The following NRCAM variants were observed in gnomAD, a reference collection of about 807,000 sequenced individuals.
NRCAM encodes NgCAM-related cell adhesion molecule.
NRCAM carries 83 observed loss-of-function variants against 156.5 expected under a neutral mutation model. That is an observed-to-expected ratio of 0.53 (90% confidence interval 0.44 to 0.64). The LOEUF is 0.64. Among genes scored for constraint, NRCAM ranks in the 30% least tolerant of loss-of-function variants. The pLI is 0.00. For synonymous variants in NRCAM, 538 were observed against 563.9 expected (o/e 0.95, Z 0.65); for missense variants, 1,417 against 1,597.3 (o/e 0.89, Z 1.92).
intron 2 of NRCAM, among the ~76,000 whole-genome samples, chr7:108,361,510 CCTGT>C (rs1394096217): frequency 2.0e-5 from 3 of 152,178 alleles, no homozygotes; most frequent in African/African-American, 4.8e-5. Context: ...TAGAATTCTT[CCTGT>C]CTGACAGTTT....
chr7:108,363,900 A>G (rs1371395020), intron 2 of NRCAM, among the ~76,000 whole-genome samples: 5 of 152,172 alleles, frequency 3.3e-5, no homozygotes, highest in African/African-American at 1.2e-4. Flanking sequence ...GTCACAGCCA[A>G]GAGGATCCTA....
chr7:108,337,610 T>A (rs974773013), intron 2 of NRCAM, among the ~76,000 whole-genome samples: 8 of 152,186 alleles, frequency 5.3e-5, no homozygotes, highest in Admixed American at 2.0e-4. Flanking sequence ...GTTCCACAGT[T>A]CTCTTCCATG....
chr7:108,255,988 C>T (rs1194476227), intron 3 of NRCAM, among the ~76,000 whole-genome samples: 11 of 150,910 alleles, frequency 7.3e-5, no homozygotes, highest in South Asian at 2.1e-4. Context: ...GGCCAGCTGC[C>T]CCGTCCGGGA....
At chr7:108,182,646 C>T in intron 23 of NRCAM, 49 bp downstream of exon 23, 1 of 1,565,248 alleles carries the variant, frequency 6.4e-7, no homozygotes, top group East Asian at 2.3e-5. Context: ...TGGCTTGCAC[C>T]TTGGTAAGTC....
At chr7:108,231,731 T>C (rs1349056648) in intron 7 of NRCAM, among the ~76,000 whole-genome samples, 1 of 152,210 alleles carries the variant, frequency 6.6e-6, no homozygotes, top group Non-Finnish European at 1.5e-5. Context: ...GAACAGTTTT[T>C]AAATTTCTTT....
At chr7:108,310,931 A>T (rs2154180191) in intron 3 of NRCAM, among the ~76,000 whole-genome samples, 1 of 152,300 alleles carries the variant, frequency 6.6e-6, no homozygotes, top group East Asian at 1.9e-4. Context: ...GCTCTAGAAG[A>T]CAGAGATTTT....
Position 108,334,270 on chromosome 7 carries a change from T to C in NRCAM, c.-173-21539A>G, listed in dbSNP as rs146995424. 5.7e-3 allele frequency among the ~76,000 whole-genome samples: 873 copies of C among 152,280 alleles called. 8 individuals are homozygous for C. The highest frequency in any genetic ancestry group is 0.02 in the African/African-American group (828 of 41,564). ...CTTTACATGCTGCAGAACTGGAAATTACCTTAAATATTTCAAACAGTTCAA... is the reference window on the plus strand; with the variant it reads ...CTTTACATGCTGCAGAACTGGAAATCACCTTAAATATTTCAAACAGTTCAA... On this transcript the variant is annotated intron_variant, in intron 2 of 32. Coordinates refer to ENST00000379028, the MANE Select transcript of NRCAM (RefSeq NM_001037132.4).
intron 3 of NRCAM, among the ~76,000 whole-genome samples, chr7:108,282,292 A>G (rs1249413051): frequency 6.6e-6 from 1 of 152,210 alleles, no homozygotes; most frequent in Non-Finnish European, 1.5e-5. Context: ...GTCTGGGATG[A>G]GCTGATGGAT....
chr7:108,155,447 G>A (rs2044748210), intron 32 of NRCAM, among the ~76,000 whole-genome samples: 1 of 151,882 alleles, frequency 6.6e-6, no homozygotes, highest in Non-Finnish European at 1.5e-5. Flanking sequence ...CATGAATCAG[G>A]ATCATTGTGC....
intron 30 of NRCAM, among the ~76,000 whole-genome samples, chr7:108,163,670 T>C (rs184951103): frequency 1.3e-5 from 2 of 152,038 alleles, no homozygotes; most frequent in East Asian, 3.9e-4. Flanking sequence ...GGGAGGTGGA[T>C]GGCATTAATG....
chr7:108,172,961 A>G (rs1258146140), intron 28 of NRCAM, among the ~76,000 whole-genome samples: 1 of 151,036 alleles, frequency 6.6e-6, no homozygotes, highest in Non-Finnish European at 1.5e-5. Flanking sequence ...CATAATTCAT[A>G]ATAAAATCTT....
rs145649352 is a variant in NRCAM, at chr7:108,340,986, T to C, written c.-173-28255A>G. 2.6e-3 allele frequency among the ~76,000 whole-genome samples: 389 copies of C among 152,334 alleles called. 1 individual carries two copies. The highest frequency in any genetic ancestry group is 8.9e-3 in the African/African-American group (369 of 41,580). ...ATTTAAAAAAGGCTACCGCTTTAGTTATGGCCCTCAGGCAAGCAGACTTTG... is the reference window on the plus strand; with the variant it reads ...ATTTAAAAAAGGCTACCGCTTTAGTCATGGCCCTCAGGCAAGCAGACTTTG... On this transcript the variant is annotated intron_variant, in intron 2 of 32. Transcript: ENST00000379028.
rs557327271 is a variant in NRCAM, at chr7:108,292,737, A to G, written c.-107+19928T>C. Among the ~76,000 whole-genome samples the G allele has an allele frequency of 2.6e-5, 4 of 152,270 alleles. No individual in the cohort carries two copies. The East Asian group carries it at 7.7e-4, about 29-fold the overall frequency. On this transcript the variant is annotated intron_variant, in intron 3 of 32. Transcript: ENST00000379028. ...ATGGGGATCACGGCTCCTATCTCATAGGGTTATTACGAAGTTTAAGTGAGT... is the reference window on the plus strand; with the variant it reads ...ATGGGGATCACGGCTCCTATCTCATGGGGTTATTACGAAGTTTAAGTGAGT...
chr7:108,353,324 CCTTCTTT>C (rs1384592513), intron 2 of NRCAM, among the ~76,000 whole-genome samples: 2 of 151,340 alleles, frequency 1.3e-5, no homozygotes, highest in Non-Finnish European at 3.0e-5. Flanking sequence ...CTTCTTTCTT[CCTTCTTT>C]CTTCTTCTTT....
intron 1 of NRCAM, among the ~76,000 whole-genome samples, chr7:108,448,239 A>G (rs1162035608): frequency 6.6e-6 from 1 of 152,254 alleles, no homozygotes; most frequent in Admixed American, 6.5e-5. Context: ...TAATATAATC[A>G]TTCTGAAGTA....
At chr7:108,336,855 G>A (rs528668547) in intron 2 of NRCAM, among the ~76,000 whole-genome samples, 78 of 152,108 alleles carry the variant, frequency 5.1e-4, no homozygotes, top group African/African-American at 1.8e-3. Context: ...TGAATTAAAA[G>A]ATAATTTTAA....
In NRCAM at chr7:108,210,165, A is replaced by G. The variant is rs115353651; in HGVS notation, c.891-560T>C. Among the ~76,000 whole-genome samples, 730 of 152,030 alleles carry G rather than the reference A, an allele frequency of 4.8e-3. 10 individuals are homozygous for G. The highest frequency in any genetic ancestry group is 0.017 in the African/African-American group (703 of 41,454). ...GCTTTTTTTCCTTAGTTTCATTATT[A>G]GTGACATTTAAAAATATTATTACAC... On this transcript the variant is annotated intron_variant, in intron 11 of 32. Coordinates refer to ENST00000379028, the MANE Select transcript of NRCAM (RefSeq NM_001037132.4).
intron 2 of NRCAM, among the ~76,000 whole-genome samples, chr7:108,317,254 G>A (rs2098937655): frequency 6.6e-6 from 1 of 152,118 alleles, no homozygotes; most frequent in Non-Finnish European, 1.5e-5. Context: ...TAATAGAGTT[G>A]GCACACTGTG....
chr7:108,256,915 A>G (rs2096692201), intron 3 of NRCAM, among the ~76,000 whole-genome samples: 1 of 151,844 alleles, frequency 6.6e-6, no homozygotes, highest in Non-Finnish European at 1.5e-5. Context: ...TGGCTAAGGC[A>G]CAAGAATCAC....
Sources: allele counts gnomAD v4.1 joint callset (sites outside exome capture counted in the v4.1 genomes callset), GRCh38; gene constraint gnomAD v4.1.1; transcripts MANE v1.5; gene names NCBI Gene and HGNC (gene_info 2026-07-23, HGNC 2026-07-21).